Variants in RPS19 observed in about 807,000 individuals in gnomAD.
The protein encoded by RPS19 is ribosomal protein S19.
In RPS19, 1 loss-of-function variant was observed where a neutral mutation model predicts 20.3. The observed-to-expected ratio is 0.05, with a 90% CI of 0.02 to 0.23. The LOEUF (loss-of-function observed/expected upper bound fraction) is 0.23. Among genes scored for constraint, RPS19 ranks in the 10% least tolerant of loss-of-function variants. The pLI is 1.00. For missense variants in RPS19, 111 were observed against 192.7 expected (o/e 0.58, Z 2.51); for synonymous variants, 87 against 74.8 (o/e 1.16, Z -0.84).
intron 5 of RPS19, 47 bp downstream of exon 5, chr19:41,869,800 A>C (rs1555841619): frequency 6.3e-7 from 1 of 1,579,954 alleles, no homozygotes. Context: ...GTCGCTGCCC[A>C]AGCATTTCCA....
chr19:41,869,265 C>A, intron 4 of RPS19, 51 bp downstream of exon 4: 1 of 1,511,698 alleles, frequency 6.6e-7, no homozygotes, highest in South Asian at 1.2e-5. Flanking sequence ...GAGGCCCGGT[C>A]ATCAATTCCC....
intron 4 of RPS19, 107 bp from the exon 5 acceptor site, chr19:41,869,592 C>T: frequency 8.1e-7 from 1 of 1,233,620 alleles, no homozygotes. Context: ...TGGGACTTGG[C>T]TGGCGGCAGG....
chr19:41,861,070 G>A, intron 2 of RPS19, 42 bp from the exon 3 acceptor site: 1 of 1,485,352 alleles, frequency 6.7e-7, no homozygotes. Context: ...GGTAGTTTGT[G>A]GAGATGACTG....
chr19:41,869,663 C>A (rs1555841534), intron 4 of RPS19, 36 bp from the exon 5 acceptor site: 3 of 1,609,532 alleles, frequency 1.9e-6, no homozygotes, highest in Non-Finnish European at 2.5e-6. Context: ...AGGACCTGTG[C>A]TCACTGGGGC....
intron 3 of RPS19, chr19:41,864,416 G>A (rs2074064121): frequency 2.0e-5 from 3 of 152,306 alleles, no homozygotes; most frequent in South Asian, 2.1e-4. Context: ...TTACAAGTTC[G>A]GCAGAGAAGG....
At chr19:41,860,685 G>A in intron 1 of RPS19, 90 bp from the exon 2 acceptor site, 1 of 980,134 alleles carries the variant, frequency 1.0e-6, no homozygotes. Context: ...GGTTTAGGAT[G>A]CGCTGGAGCG....
intron 3 of RPS19, among the ~76,000 whole-genome samples, chr19:41,867,772 C>T (rs8102670): frequency 0.46 from 69,333 of 151,844 alleles, 16,712 homozygotes; most frequent in Middle Eastern, 0.69. Flanking sequence ...ACCACAGCAC[C>T]CCAGCCTGGG....
Position 41,861,063 on chromosome 19 carries a change from A to T in RPS19, c.72-49A>T, listed in dbSNP as rs1300179772. ...GGGGAGGGCATTTGGGATATGGGGT[A>T]GTTTGTGGAGATGACTGAATCGTGC... On this transcript the variant is annotated intron_variant, in intron 2 of 5. Coordinates refer to ENST00000598742, the MANE Select transcript of RPS19 (RefSeq NM_001022.4). 4 of 1,395,270 alleles carry T rather than the reference A, an allele frequency of 2.9e-6. No homozygotes were observed. The Admixed American group carries it at 6.7e-5, about 23-fold the overall frequency. The allele number at this position is 1,395,270 out of a possible 1,614,324, so 86.4% of individuals were successfully genotyped here.
intron 3 of RPS19, among the ~76,000 whole-genome samples, chr19:41,866,025 G>T (rs575849865): frequency 6.6e-6 from 1 of 151,600 alleles, no homozygotes; most frequent in East Asian, 1.9e-4. Flanking sequence ...AGGCCGAGGC[G>T]GGCGGATCAG....
chr19:41,867,531 C>G (rs2074103019), intron 3 of RPS19, among the ~76,000 whole-genome samples: 1 of 152,178 alleles, frequency 6.6e-6, no homozygotes, highest in African/African-American at 2.4e-5. Context: ...AGGCTGGTCT[C>G]AAACTCCTGA....
Position 41,860,859 on chromosome 19 carries a change from C to A in RPS19, c.71+14C>A. 6.2e-7 allele frequency: 1 copy of A among 1,609,036 alleles called. No individual in the cohort carries two copies. The highest frequency in any genetic ancestry group is 8.5e-7 in the Non-Finnish European group (1 of 1,176,036). On this transcript the variant is annotated intron_variant, in intron 2 of 5. Coordinates refer to ENST00000598742, the MANE Select transcript of RPS19 (RefSeq NM_001022.4). ...CTTCCTCAAAAAGTGAGTTTGGGGACTGAGGTTCAAAACGGGTGGAGGCTG... is the reference window on the plus strand; with the variant it reads ...CTTCCTCAAAAAGTGAGTTTGGGGAATGAGGTTCAAAACGGGTGGAGGCTG...
chr19:41,860,467 A>T, intron 1 of RPS19, 178 bp downstream of exon 1: 1 of 431,276 alleles, frequency 2.3e-6, no homozygotes, highest in South Asian at 2.2e-5. Context: ...CCGGGAACCG[A>T]GCGTGGGCCC....
intron 5 of RPS19, among the ~76,000 whole-genome samples, 196 bp from the exon 6 acceptor site, chr19:41,871,155 G>A (rs1327481822): frequency 1.3e-5 from 2 of 151,956 alleles, no homozygotes; most frequent in African/African-American, 4.8e-5. Flanking sequence ...GAGCCACTGT[G>A]CCTGGCCACT....
chr19:41,871,660 G>A lies in RPS19; in HGVS notation c.*283G>A, dbSNP rs61762301. The A allele has an allele frequency of 4.6e-6, 2 of 437,622 alleles. No individual in the cohort carries two copies. Among genetic ancestry groups the A allele is most frequent in the Non-Finnish European group, 8.4e-6 (2 of 238,714 alleles). 27.1% of individuals were successfully genotyped at this position (437,622 alleles called of 1,614,324 possible). A position where few individuals can be genotyped will look rare whatever the true frequency, so the allele number is the denominator to read the frequency against. On this transcript the variant is annotated 3_prime_UTR_variant, in exon 6 of 6. Coordinates refer to ENST00000598742, the MANE Select transcript of RPS19 (RefSeq NM_001022.4). The stretch of plus-strand genomic sequence containing the variant: ...CCTTCCCTTGGGTGAGGGGGCCCAG[G>A]GTGATTGGGTGGCTGTTTACCCGGC...
At chr19:41,866,966 G>A (rs2074096797) in intron 3 of RPS19, among the ~76,000 whole-genome samples, 1 of 151,784 alleles carries the variant, frequency 6.6e-6, no homozygotes, top group South Asian at 2.1e-4. Context: ...GCAGTGAACC[G>A]AGATTGCGCC....
Position 41,869,895 on chromosome 19 carries a change from A to C in RPS19, c.411+142A>C. ...TGGTGGGGTCAGAGGAGGGCTGCCC[A>C]GAGACAGGAGAAAGGACAGTCCTGT... On this transcript the variant is annotated intron_variant, in intron 5 of 5. Transcript: ENST00000598742. 5.0e-6 allele frequency: 4 copies of C among 795,340 alleles called. No individual in the cohort carries two copies. In the South Asian group the frequency reaches 6.0e-5, roughly 12 times the overall value. 49.3% of individuals were successfully genotyped at this position (795,340 alleles called of 1,614,324 possible). A position where few individuals can be genotyped will look rare whatever the true frequency, so the allele number is the denominator to read the frequency against.
chr19:41,871,186 C>T (rs1244597014), intron 5 of RPS19, among the ~76,000 whole-genome samples, 165 bp from the exon 6 acceptor site: 2 of 150,310 alleles, frequency 1.3e-5, no homozygotes, highest in South Asian at 2.1e-4. Context: ...TCAGTTTCCA[C>T]GTCTGTGAAA....
intron 5 of RPS19, 26 bp from the exon 6 acceptor site, chr19:41,871,325 T>A (rs979669438): frequency 6.2e-7 from 1 of 1,613,256 alleles, no homozygotes. Flanking sequence ...CTTGACTAAC[T>A]TTTATTCTTC....
chr19:41,869,773 T>G lies in RPS19; in HGVS notation c.411+20T>G, dbSNP rs781959996. 1.2e-6 allele frequency: 2 copies of G among 1,612,996 alleles called. No individual in the cohort carries two copies. The highest frequency in any genetic ancestry group is 1.7e-6 in the Non-Finnish European group (2 of 1,179,074). On this transcript the variant is annotated intron_variant, in intron 5 of 5. Transcript: ENST00000598742. ...GGACAGGTAAGGCCTGCGTTTGGGG[T>G]GGGGCTGGGTCCCTTAGTCGCTGCC...
Sources: gnomAD v4.1 joint callset for allele counts (sites outside exome capture counted in the v4.1 genomes callset) on GRCh38, gnomAD v4.1.1 for gene constraint, MANE v1.5 for transcripts, NCBI Gene and HGNC (gene_info 2026-07-23, HGNC 2026-07-21) for gene names.